KAZN: variants seen among roughly 807,000 people sequenced by gnomAD.
KAZN encodes the protein kazrin.
In KAZN, 40 loss-of-function variants were observed where a neutral mutation model predicts 87.4. The ratio of observed to expected loss-of-function variants is 0.46; its 90% CI spans 0.36 to 0.60. KAZN has a LOEUF of 0.60. Ranked by LOEUF, KAZN falls within the 20% of genes least tolerant of loss-of-function variation. The probability of loss-of-function intolerance (pLI) is 0.00; values close to 1 mark genes in which losing one functional copy is unlikely to be tolerated. For synonymous variants in KAZN, 466 were observed against 458.3 expected, an observed-to-expected ratio of 1.02 and a Z score of -0.22; for missense variants, 898 against 1,073.9, an observed-to-expected ratio of 0.84 and a Z score of 2.29.
At chr1:14,214,111 A>G (rs1646909915) in intron 2 of KAZN, among the ~76,000 whole-genome samples, 1 of 152,204 alleles carries the variant, frequency 6.6e-6, no homozygotes, top group Non-Finnish European at 1.5e-5. Flanking sequence ...CTGGATTTCA[A>G]TTTGGGGAAT....
intron 2 of KAZN, among the ~76,000 whole-genome samples, chr1:15,017,531 C>T (rs1237061489): frequency 6.6e-6 from 1 of 152,070 alleles, no homozygotes; most frequent in East Asian, 1.9e-4. Flanking sequence ...TGGCCAGGCG[C>T]GGTGGCTCAC....
chr1:13,988,804 T>C (rs995958384), intron 1 of KAZN, among the ~76,000 whole-genome samples: 1 of 152,192 alleles, frequency 6.6e-6, no homozygotes. Flanking sequence ...TTGGGGTCAC[T>C]AATCCCTTTG....
At chr1:14,428,487 A>T (rs1256169217) in intron 2 of KAZN, among the ~76,000 whole-genome samples, 3 of 152,344 alleles carry the variant, frequency 2.0e-5, no homozygotes, top group African/African-American at 7.2e-5. Flanking sequence ...CATTATACTG[A>T]GCTCAAACTG....
intron 2 of KAZN, among the ~76,000 whole-genome samples, chr1:14,471,201 G>A (rs1187050660): frequency 2.6e-5 from 4 of 152,108 alleles, no homozygotes; most frequent in African/African-American, 9.7e-5. Context: ...CTATATTTTA[G>A]GGTAGTTTGT....
At chr1:14,654,371 G>A (rs552303314) in intron 1 of KAZN, among the ~76,000 whole-genome samples, 114 of 152,158 alleles carry the variant, frequency 7.5e-4, no homozygotes, top group Non-Finnish European at 1.3e-3. Flanking sequence ...ATGCCATGAG[G>A]AGTTTGCTGT....
chr1:14,864,617 G>A (rs573176760), intron 1 of KAZN, among the ~76,000 whole-genome samples: 72 of 152,188 alleles, frequency 4.7e-4, no homozygotes, highest in African/African-American at 1.5e-3. Context: ...AAGGTGGGAC[G>A]GACACAGCCC....
chr1:14,229,716 G>C (rs368483731), intron 2 of KAZN, among the ~76,000 whole-genome samples: 2 of 152,216 alleles, frequency 1.3e-5, no homozygotes, highest in Admixed American at 6.5e-5. Flanking sequence ...AGAGGAATCC[G>C]CACTTGAGGG....
intron 2 of KAZN, among the ~76,000 whole-genome samples, chr1:15,019,754 T>C (rs1670477832): frequency 1.3e-5 from 2 of 152,130 alleles, no homozygotes; most frequent in African/African-American, 2.4e-5. Context: ...TGAGGAAAAT[T>C]TGAGTGAAAA....
intron 2 of KAZN, among the ~76,000 whole-genome samples, chr1:14,547,844 C>T (rs1170903269): frequency 6.6e-6 from 1 of 152,052 alleles, no homozygotes; most frequent in African/African-American, 2.4e-5. Flanking sequence ...CCGCCTCAGC[C>T]TCCCAAAGTG....
At chr1:13,999,375 A>T in intron 1 of KAZN, among the ~76,000 whole-genome samples, 1 of 120,672 alleles carries the variant, frequency 8.3e-6, no homozygotes, top group East Asian at 2.2e-4. Flanking sequence ...AACAAAAAAC[A>T]AAAAAACAAA....
At chr1:14,445,278 A>C (rs1202233028) in intron 2 of KAZN, among the ~76,000 whole-genome samples, 1 of 152,030 alleles carries the variant, frequency 6.6e-6, no homozygotes, top group Non-Finnish European at 1.5e-5. Context: ...CGCCCATCTC[A>C]GCCTCCCAAA....
At chr1:14,560,586 A>G (rs1674188082) in intron 2 of KAZN, among the ~76,000 whole-genome samples, 1 of 152,154 alleles carries the variant, frequency 6.6e-6, no homozygotes, top group Admixed American at 6.6e-5. Context: ...TCAAAATAAT[A>G]ATAATAAATA....
rs1368357243 is a variant in KAZN, at chr1:14,636,527, A to T, written c.226+37304A>T. Among the ~76,000 whole-genome samples, 4 of 152,164 alleles carry T rather than the reference A, an allele frequency of 2.6e-5. 1 individual carries two copies. Among genetic ancestry groups the T allele is most frequent in the Admixed American group, 2.6e-4 (4 of 15,272 alleles). ...TATGACAGTGACAGCAGCGGCTGAC[A>T]CGGAACACTCACTGGGTCCCAGCAC... is the stretch of plus-strand genomic sequence containing the variant. On this transcript the variant is annotated intron_variant, in intron 1 of 14. Coordinates refer to ENST00000376030, the MANE Select transcript of KAZN (RefSeq NM_201628.3).
intron 2 of KAZN, among the ~76,000 whole-genome samples, chr1:14,381,373 A>C (rs1230513955): frequency 6.6e-6 from 1 of 152,030 alleles, no homozygotes; most frequent in Non-Finnish European, 1.5e-5. Context: ...GGACAATCAA[A>C]AAAAAAAAAT....
chr1:14,875,151 G>A (rs562605794), intron 1 of KAZN, among the ~76,000 whole-genome samples: 18 of 151,992 alleles, frequency 1.2e-4, no homozygotes, highest in Non-Finnish European at 4.4e-5. Flanking sequence ...GACCAACATG[G>A]AGAAACCCCG....
chr1:14,423,611 A>G (rs1665553247), intron 2 of KAZN, among the ~76,000 whole-genome samples: 2 of 152,184 alleles, frequency 1.3e-5, no homozygotes, highest in Non-Finnish European at 2.9e-5. Flanking sequence ...ACTATGGATC[A>G]AGCACTACTG....
chr1:14,943,006 T>G (rs1391482109), intron 1 of KAZN, among the ~76,000 whole-genome samples: 15 of 101,694 alleles, frequency 1.5e-4, no homozygotes, highest in South Asian at 3.4e-4. Context: ...TGTGTGTGTG[T>G]GGTGTGTGTG....
chr1:14,257,835 C>A (rs1650642839), intron 2 of KAZN, among the ~76,000 whole-genome samples: 1 of 145,062 alleles, frequency 6.9e-6, no homozygotes, highest in Admixed American at 6.9e-5. Flanking sequence ...GGAGATATAC[C>A]TAATGCTAGA....
intron 1 of KAZN, among the ~76,000 whole-genome samples, chr1:14,604,138 G>A (rs891352089): frequency 3.9e-5 from 6 of 152,100 alleles, no homozygotes; most frequent in African/African-American, 1.4e-4. Flanking sequence ...GATGTTGCAC[G>A]TGGAAATAGG....
Sources: allele counts gnomAD v4.1 joint callset (sites outside exome capture counted in the v4.1 genomes callset), GRCh38; gene constraint gnomAD v4.1.1; transcripts MANE v1.5; gene names NCBI Gene and HGNC (gene_info 2026-07-23, HGNC 2026-07-21).